KCTD1: variants seen among roughly 807,000 people sequenced by gnomAD.
KCTD1 encodes the protein potassium channel tetramerization domain containing 1.
In KCTD1, 24 loss-of-function variants were observed where a neutral mutation model predicts 66.0. That is an observed-to-expected ratio of 0.36 (90% CI 0.26 to 0.51). KCTD1 has a LOEUF of 0.51. Among genes scored for constraint, KCTD1 ranks in the 20% least tolerant of loss-of-function variants. The probability of loss-of-function intolerance (pLI) is 0.95; values close to 1 mark genes in which losing one functional copy is unlikely to be tolerated. For missense variants in KCTD1, 943 were observed against 1,205.2 expected, an observed-to-expected ratio of 0.78 and a Z score of 3.22; for synonymous variants, 511 against 517.2, an observed-to-expected ratio of 0.99 and a Z score of 0.16.
upstream of KCTD1, among the ~76,000 whole-genome samples, chr18:26,633,646 A>G (rs1987666440): frequency 6.6e-6 from 1 of 152,224 alleles, no homozygotes; most frequent in Non-Finnish European, 1.5e-5. Context: ...TATATCATAT[A>G]GAAAGAGATT....
At chr18:26,643,795 T>C (rs1308699130), upstream of KCTD1, among the ~76,000 whole-genome samples, 1 of 152,154 alleles carries the variant, frequency 6.6e-6, no homozygotes, top group Non-Finnish European at 1.5e-5. Flanking sequence ...ACCCTGTCTC[T>C]ACTAAAAATA....
chr18:26,487,308 T>G (rs2144638195), intron 2 of KCTD1, among the ~76,000 whole-genome samples: 1 of 152,308 alleles, frequency 6.6e-6, no homozygotes, highest in Admixed American at 6.5e-5. Context: ...GTGAGCTATA[T>G]CTCTTGAAAA....
At chr18:26,504,051 C>T (rs951471598) in intron 1 of KCTD1, among the ~76,000 whole-genome samples, 2 of 152,126 alleles carry the variant, frequency 1.3e-5, no homozygotes, top group Non-Finnish European at 2.9e-5. Context: ...TGGTATTTTC[C>T]ATATGGGGCA....
chr18:26,649,646 C>A (rs532392369), intron 1 of KCTD1, among the ~76,000 whole-genome samples: 1 of 152,070 alleles, frequency 6.6e-6, no homozygotes, highest in East Asian at 1.9e-4. Context: ...GTAGCTGGGA[C>A]TACAGGCACG....
rs953369576 is a variant in KCTD1, at chr18:26,599,722, T to C, written c.-16+29425A>G. The C allele has an allele frequency of 2.1e-5, 33 of 1,555,254 alleles. No individual in the cohort carries two copies. The Admixed American group carries it at 3.0e-4, about 14-fold the overall frequency. On this transcript the variant is annotated intron_variant, in intron 1 of 4. Transcript: ENST00000317932. Reference sequence around the variant, plus strand: ...CAGTAGAGACAGCTGTAGATAACAATAGCAAAGTGAAGACAGCATCTAAGC... The same window carrying C: ...CAGTAGAGACAGCTGTAGATAACAACAGCAAAGTGAAGACAGCATCTAAGC...
intron 1 of KCTD1, among the ~76,000 whole-genome samples, chr18:26,622,746 T>A (rs1987413164): frequency 6.7e-6 from 1 of 149,676 alleles, no homozygotes; most frequent in Non-Finnish European, 1.5e-5. Context: ...ACCAGATGGG[T>A]AGGGGTGGAG....
chr18:26,651,801 AGAAGAAG>A (rs1325450123), intron 1 of KCTD1, among the ~76,000 whole-genome samples: 7 of 54,314 alleles, frequency 1.3e-4, no homozygotes, highest in Admixed American at 1.1e-3. Context: ...AAAAAAAAAA[AGAAGAAG>A]AAGAAGAAGA....
At chr18:26,523,498 G>GA (rs1162513579) in intron 1 of KCTD1, among the ~76,000 whole-genome samples, 1 of 152,102 alleles carries the variant, frequency 6.6e-6, no homozygotes, top group Non-Finnish European at 1.5e-5. Context: ...ATTAAAATCT[G>GA]AAAAAAGCTG....
At chr18:26,531,463 C>T (rs1984431060) in intron 1 of KCTD1, among the ~76,000 whole-genome samples, 1 of 152,232 alleles carries the variant, frequency 6.6e-6, no homozygotes, top group Non-Finnish European at 1.5e-5. Context: ...TGTGTATATA[C>T]CCTTAAAACA....
chr18:26,550,167 C>T (rs1418867349), upstream of KCTD1, among the ~76,000 whole-genome samples: 1 of 152,192 alleles, frequency 6.6e-6, no homozygotes, highest in Non-Finnish European at 1.5e-5. The surrounding 1 kb of genome is among the most constrained non-coding windows in gnomAD (Gnocchi z 5.4). Context: ...GGGAGGCAGC[C>T]TCGCCTGCTC....
rs1180304242 is a variant in KCTD1, at chr18:26,594,033, T to C, written c.-16+35114A>G. Among the ~76,000 whole-genome samples the C allele has an allele frequency of 2.0e-5, 3 of 152,206 alleles. No individual in the cohort carries two copies. The East Asian group carries it at 5.8e-4, about 29-fold the overall frequency. On this transcript the variant is annotated intron_variant, in intron 1 of 4. Coordinates refer to the KCTD1 transcript ENST00000317932. ...TACCCCAACCCCATCCTTGATGCCT[T>C]CACTTATGTGGAAGAAGAAATCACA... is the stretch of plus-strand genomic sequence containing the variant.
chr18:26,628,683 C>CA (rs1042150041), intron 1 of KCTD1, among the ~76,000 whole-genome samples: 12 of 151,330 alleles, frequency 7.9e-5, no homozygotes, highest in Admixed American at 1.3e-4. Flanking sequence ...CAACTTTCTA[C>CA]AAAAAAAATA....
chr18:26,455,904 G>A lies in KCTD1; in HGVS notation c.2440-3C>T, dbSNP rs561685743. 1.2e-5 allele frequency: 20 copies of A among 1,612,678 alleles called. No individual in the cohort carries two copies. The highest frequency in any genetic ancestry group is 6.7e-5 in the African/African-American group (5 of 74,998). ...CTTTGCTGCAACCTCTCGAGGACCT[G>A]CGAGGGAACAAGACAAGCATCCAGT... On this transcript the variant is annotated splice_region_variant and splice_polypyrimidine_tract_variant and intron_variant, in intron 4 of 4. Transcript: ENST00000580059.
At chr18:26,630,244 T>TA (rs1215548201), upstream of KCTD1, among the ~76,000 whole-genome samples, 4 of 152,192 alleles carry the variant, frequency 2.6e-5, no homozygotes, top group Admixed American at 1.3e-4. Flanking sequence ...CCCCAGTTTT[T>TA]AAAAAAATCC....
In KCTD1 at chr18:26,548,111, G is replaced by C; in HGVS notation, c.426C>G (p.Pro142=). Residue 142 remains proline, a synonymous_variant, in exon 1 of 5, where the codon CCC becomes CCG. Transcript: ENST00000580059. The part of the protein sequence containing the change: ...EPEAPPRLLA[P]RARGGPPGDG... ...CCCCGGGCGGCCCACCGCGGGCCCG[G>C]GGCGCCAGCAGTCGCGGCGGCGCCT... is the stretch of plus-strand genomic sequence containing the variant. 2 of 1,309,274 alleles carry C rather than the reference G, an allele frequency of 1.5e-6. No individual in the cohort carries two copies. Among genetic ancestry groups the C allele is most frequent in the Non-Finnish European group, 1.9e-6 (2 of 1,038,612 alleles). 81.1% of individuals were successfully genotyped at this position (1,309,274 alleles called of 1,614,324 possible). A position where few individuals can be genotyped will look rare whatever the true frequency, so the allele number is the denominator to read the frequency against.
At chr18:26,505,198 C>T (rs944228794) in intron 1 of KCTD1, among the ~76,000 whole-genome samples, 2 of 152,280 alleles carry the variant, frequency 1.3e-5, no homozygotes, top group Non-Finnish European at 2.9e-5. Context: ...CCAAGCATGG[C>T]TGCCTGCTGA....
chr18:26,567,703 G>A (rs1466274209), intron 1 of KCTD1, among the ~76,000 whole-genome samples: 2 of 151,944 alleles, frequency 1.3e-5, no homozygotes, highest in Non-Finnish European at 2.9e-5. Context: ...TGGCCAGGCT[G>A]GTCTCTAACT....
chr18:26,469,480 G>A (rs3903163), intron 3 of KCTD1, among the ~76,000 whole-genome samples: 82,522 of 151,978 alleles, frequency 0.54, 23,788 homozygotes, highest in African/African-American at 0.74. Flanking sequence ...AAACCAAAGT[G>A]CGTGCCTAAA....
intron 1 of KCTD1, among the ~76,000 whole-genome samples, chr18:26,591,227 C>T (rs1185345647): frequency 1.3e-5 from 2 of 152,094 alleles, no homozygotes; most frequent in Non-Finnish European, 2.9e-5. Flanking sequence ...AGGGTCTCAC[C>T]TTGTTGTCCA....
Sources: gnomAD v4.1 joint callset for allele counts (sites outside exome capture counted in the v4.1 genomes callset) on GRCh38, gnomAD v4.1.1 for gene constraint, Gnocchi (gnomAD v3.1) non-coding constraint, MANE v1.5 for transcripts, NCBI Gene and HGNC (gene_info 2026-07-23, HGNC 2026-07-21) for gene names.